UTRN: variants seen among roughly 807,000 people sequenced by gnomAD.
UTRN encodes dystrophin-related protein 1.
In UTRN, 283 loss-of-function variants were observed where a neutral mutation model predicts 463.9. That is an observed-to-expected ratio of 0.61 (90% CI 0.55 to 0.67). The LOEUF (loss-of-function observed/expected upper bound fraction) is 0.67. Among genes scored for constraint, UTRN ranks in the 30% least tolerant of loss-of-function variants. The pLI, the probability that UTRN is intolerant of heterozygous loss-of-function variation, is 0.00. For missense variants in UTRN, 3,922 were observed against 4,084.3 expected (o/e 0.96, Z 1.08); for synonymous variants, 1,442 against 1,431.5 (o/e 1.01, Z -0.17).
intron 56 of UTRN, among the ~76,000 whole-genome samples, chr6:144,752,857 A>T (rs953992638): frequency 6.6e-6 from 1 of 152,096 alleles, no homozygotes; most frequent in African/African-American, 2.4e-5. Context: ...GAAGTCGGGG[A>T]ATATGTTATA....
At chr6:144,301,176 GT>G (rs1398105192) in intron 2 of UTRN, among the ~76,000 whole-genome samples, 1 of 152,006 alleles carries the variant, frequency 6.6e-6, no homozygotes, top group Non-Finnish European at 1.5e-5. Context: ...TTACTTTTGT[GT>G]TTTTACATGT....
chr6:144,559,346 G>A (rs1799659138), intron 50 of UTRN, among the ~76,000 whole-genome samples: 1 of 152,112 alleles, frequency 6.6e-6, no homozygotes, highest in African/African-American at 2.4e-5. Flanking sequence ...ATTTAGACAT[G>A]ATTTAGATAT....
chr6:144,557,367 C>G (rs1483251344), intron 50 of UTRN, 56 bp downstream of exon 50: 1 of 1,546,438 alleles, frequency 6.5e-7, no homozygotes, highest in Non-Finnish European at 8.7e-7. Context: ...AATTTGATGG[C>G]TTTGGCTTTC....
At chr6:144,535,452 C>G (rs986705254) in intron 43 of UTRN, among the ~76,000 whole-genome samples, 3 of 152,098 alleles carry the variant, frequency 2.0e-5, no homozygotes, top group African/African-American at 7.2e-5. Context: ...AGAAATTCTT[C>G]TAAAGGTAGA....
chr6:144,573,849 T>C (rs964619281), intron 50 of UTRN, among the ~76,000 whole-genome samples: 1 of 152,222 alleles, frequency 6.6e-6, no homozygotes, highest in Non-Finnish European at 1.5e-5. Flanking sequence ...GAAAACTATA[T>C]AATGTAGTTA....
At position 144,587,895 on chromosome 6, in the gene UTRN, T is replaced by C. The variant is rs183270189; in HGVS notation, c.7479+10607T>C. 6.3e-4 allele frequency among the ~76,000 whole-genome samples: 96 copies of C among 152,240 alleles called. 1 individual carries two copies. In the East Asian group the frequency reaches 0.017, roughly 27 times the overall value. On this transcript the variant is annotated intron_variant, in intron 51 of 74. Coordinates refer to ENST00000367545, the MANE Select transcript of UTRN (RefSeq NM_007124.3). ...TCTGCAAGTTAGAATTCCCACTTGA[T>C]CATATGAGTTGTCTCTTCTTGGCTT...
intron 55 of UTRN, among the ~76,000 whole-genome samples, chr6:144,750,312 T>C (rs1214222713): frequency 6.6e-6 from 1 of 152,138 alleles, no homozygotes; most frequent in Non-Finnish European, 1.5e-5. Flanking sequence ...TCCATTAAAA[T>C]GCCGAATCTG....
chr6:144,747,047 A>G (rs1562855735), intron 54 of UTRN, among the ~76,000 whole-genome samples: 1 of 152,194 alleles, frequency 6.6e-6, no homozygotes, highest in Non-Finnish European at 1.5e-5. Context: ...AGGCAGACCA[A>G]TTTACACTGA....
At chr6:144,755,366 G>A (rs1269950500) in intron 57 of UTRN, among the ~76,000 whole-genome samples, 1 of 152,106 alleles carries the variant, frequency 6.6e-6, no homozygotes, top group East Asian at 1.9e-4. Flanking sequence ...TAAATTTATG[G>A]ACTATTCTTG....
At chr6:144,673,495 A>G (rs1781265491) in intron 51 of UTRN, among the ~76,000 whole-genome samples, 1 of 151,992 alleles carries the variant, frequency 6.6e-6, no homozygotes, top group African/African-American at 2.4e-5. Flanking sequence ...TGCATGTAAT[A>G]TCTTTTTGTA....
chr6:144,767,188 G>A (rs1230280550), intron 58 of UTRN, among the ~76,000 whole-genome samples: 1 of 152,090 alleles, frequency 6.6e-6, no homozygotes, highest in Non-Finnish European at 1.5e-5. Flanking sequence ...GCCAGGAGTT[G>A]GACATTTGAG....
intron 2 of UTRN, among the ~76,000 whole-genome samples, chr6:144,329,834 G>A (rs2114603369): frequency 6.6e-6 from 1 of 152,340 alleles, no homozygotes; most frequent in Admixed American, 6.5e-5. Flanking sequence ...GTGCCACAGA[G>A]TGTTTCAAAA....
intron 18 of UTRN, among the ~76,000 whole-genome samples, chr6:144,452,225 A>G (rs369312815): frequency 5.3e-5 from 8 of 152,196 alleles, no homozygotes; most frequent in African/African-American, 1.9e-4. Flanking sequence ...AGAGTCTCTT[A>G]CTAATATTCC....
chr6:144,362,328 C>G (rs752178044), intron 2 of UTRN, among the ~76,000 whole-genome samples: 9 of 152,182 alleles, frequency 5.9e-5, no homozygotes, highest in Non-Finnish European at 1.2e-4. Flanking sequence ...TGCCCAGGAC[C>G]CAGCCATGTT....
chr6:144,803,205 T>C, intron 65 of UTRN, 58 bp downstream of exon 65: 1 of 1,030,214 alleles, frequency 9.7e-7, no homozygotes, highest in Non-Finnish European at 1.3e-6. Context: ...AACTAGTATC[T>C]AAAATTTTAT....
chr6:144,490,879 G>C, intron 31 of UTRN, 50 bp from the exon 32 acceptor site: 3 of 1,513,720 alleles, frequency 2.0e-6, no homozygotes, highest in Non-Finnish European at 2.7e-6. Flanking sequence ...CTCATGATGA[G>C]AGAGATAATC....
chr6:144,606,516 G>A (rs1033469579), intron 51 of UTRN, among the ~76,000 whole-genome samples: 1 of 152,114 alleles, frequency 6.6e-6, no homozygotes, highest in Non-Finnish European at 1.5e-5. Context: ...GTAAGTATCT[G>A]TTTTCAAGTT....
chr6:144,436,917 T>C (rs1310300211), intron 10 of UTRN, among the ~76,000 whole-genome samples: 2 of 145,712 alleles, frequency 1.4e-5, no homozygotes, highest in Non-Finnish European at 3.0e-5. Flanking sequence ...TTATATATTA[T>C]ATATGTATAT....
At chr6:144,556,390 T>C (rs1799387368) in intron 49 of UTRN, among the ~76,000 whole-genome samples, 1 of 152,202 alleles carries the variant, frequency 6.6e-6, no homozygotes, top group African/African-American at 2.4e-5. Context: ...CCCTGGCCCC[T>C]TAACTAGAGG....
Sources: gnomAD v4.1 joint callset for allele counts (sites outside exome capture counted in the v4.1 genomes callset) on GRCh38, gnomAD v4.1.1 for gene constraint, MANE v1.5 for transcripts, NCBI Gene and HGNC (gene_info 2026-07-23, HGNC 2026-07-21) for gene names.